The following STK32A variants were observed in gnomAD, a reference collection of about 807,000 sequenced individuals.
STK32A encodes the protein serine/threonine kinase 32A, also known as serine/threonine-protein kinase 32A.
Under a neutral mutation model 53.2 loss-of-function variants are expected in STK32A, and 41 were observed. The observed-to-expected ratio is 0.77, with a 90% CI of 0.60 to 1.00. The LOEUF is 1.00. Among genes scored for constraint, STK32A ranks in the 50% least tolerant of loss-of-function variants. The probability of loss-of-function intolerance (pLI) is 0.00; values close to 1 mark genes in which losing one functional copy is unlikely to be tolerated. For synonymous variants in STK32A, 166 were observed against 162.8 expected, an observed-to-expected ratio of 1.02 and a Z score of -0.15; for missense variants, 458 against 485.8, an observed-to-expected ratio of 0.94 and a Z score of 0.54.
At chr5:147,306,556 A>G (rs1028811079) in intron 4 of STK32A, among the ~76,000 whole-genome samples, 1 of 150,786 alleles carries the variant, frequency 6.6e-6, no homozygotes, top group Non-Finnish European at 1.5e-5. Flanking sequence ...AAAATGTATT[A>G]TATATAATAT....
At chr5:147,353,877 C>T (rs904052917) in intron 7 of STK32A, among the ~76,000 whole-genome samples, 4 of 152,058 alleles carry the variant, frequency 2.6e-5, no homozygotes, top group South Asian at 4.2e-4. Context: ...GGGATTAAGT[C>T]GGGTGGAATG....
At chr5:147,280,580 C>T (rs1440609966) in intron 4 of STK32A, among the ~76,000 whole-genome samples, 2 of 151,952 alleles carry the variant, frequency 1.3e-5, no homozygotes, top group African/African-American at 2.4e-5. Context: ...CCTAGGTACA[C>T]AACTCCAGTG....
At chr5:147,394,111 T>G in the STK32A span, 15 of 1,613,416 alleles carry the variant, frequency 9.3e-6, no homozygotes, top group Admixed American at 1.2e-4. Flanking sequence ...AACCCCCTCA[T>G]CCACTTGGGT....
intron 8 of STK32A, among the ~76,000 whole-genome samples, chr5:147,364,869 T>A (rs958075047): frequency 3.3e-5 from 5 of 152,204 alleles, no homozygotes; most frequent in African/African-American, 1.2e-4. Flanking sequence ...TTTGGGGGGA[T>A]ACATTCAGTC....
In STK32A at chr5:147,302,395, C is replaced by T. The variant is rs372614952; in HGVS notation, c.261-21503C>T. ...ATTCAAGGAATGGAAGTCAGAGTTC[C>T]GAAGTGTAGACATTGGGGATCATTT... On this transcript the variant is annotated intron_variant, in intron 4 of 12. Transcript: ENST00000397936. Among the ~76,000 whole-genome samples the T allele has an allele frequency of 1.6e-4, 25 of 152,168 alleles. No individual in the cohort carries two copies. The East Asian group carries it at 1.7e-3, about 11-fold the overall frequency.
At chr5:147,318,532 C>T (rs376021444) in intron 4 of STK32A, among the ~76,000 whole-genome samples, 11 of 150,698 alleles carry the variant, frequency 7.3e-5, no homozygotes, top group African/African-American at 1.5e-4. Context: ...TGAGAGGCTA[C>T]GGCAGGAGGA....
At chr5:147,314,668 A>G (rs558480430) in intron 4 of STK32A, among the ~76,000 whole-genome samples, 17 of 152,038 alleles carry the variant, frequency 1.1e-4, no homozygotes, top group African/African-American at 3.9e-4. Flanking sequence ...GATCCTGAGC[A>G]TTACTAAACA....
chr5:147,332,532 A>G (rs922127047), intron 5 of STK32A, among the ~76,000 whole-genome samples: 18 of 152,040 alleles, frequency 1.2e-4, no homozygotes, highest in Non-Finnish European at 2.2e-4. Flanking sequence ...GCTTTCTTTC[A>G]GTGTATTGAT....
chr5:147,384,211 A>G lies in STK32A; in HGVS notation c.*228A>G. 2 of 1,388,944 alleles carry G rather than the reference A, an allele frequency of 1.4e-6. No individual in the cohort carries two copies. The highest frequency in any genetic ancestry group is 5.3e-5 in the East Asian group (2 of 37,832). 86.0% of individuals were successfully genotyped at this position (1,388,944 alleles called of 1,614,324 possible). The stretch of plus-strand genomic sequence containing the variant: ...GTGATCTAGAGCAAGTCACTTAGCC[A>G]CTTTCTGTGCTTTACTTTATTTATC... On this transcript the variant is annotated 3_prime_UTR_variant, in exon 13 of 13. Transcript: ENST00000397936.
chr5:147,331,253 A>G (rs563961912), intron 5 of STK32A, among the ~76,000 whole-genome samples: 1 of 152,320 alleles, frequency 6.6e-6, no homozygotes, highest in African/African-American at 2.4e-5. Context: ...TTAATGACTT[A>G]ATAGGAGCTA....
the STK32A span, among the ~76,000 whole-genome samples, chr5:147,401,185 T>C: frequency 6.6e-6 from 1 of 152,220 alleles, no homozygotes; most frequent in Non-Finnish European, 1.5e-5. Flanking sequence ...AGGCAAATGA[T>C]TTAGCTTCTC....
intron 5 of STK32A, among the ~76,000 whole-genome samples, chr5:147,340,111 A>G (rs999895217): frequency 2.0e-5 from 3 of 152,182 alleles, no homozygotes; most frequent in Admixed American, 6.5e-5. Context: ...CTCATGTATT[A>G]TAATTAGTGT....
intron 6 of STK32A, 119 bp downstream of exon 6, chr5:147,343,162 C>G (rs1008688300): frequency 9.3e-7 from 1 of 1,074,362 alleles, no homozygotes; most frequent in Non-Finnish European, 1.4e-6. Flanking sequence ...TCGAGCTCTA[C>G]TTACAAACTC....
intron 3 of STK32A, 112 bp from the exon 4 acceptor site, chr5:147,279,135 T>A: frequency 1.0e-6 from 1 of 974,146 alleles, no homozygotes; most frequent in East Asian, 2.8e-5. Flanking sequence ...CATCATATAA[T>A]TTGCAAATGT....
At chr5:147,265,617 T>A (rs1035419541) in intron 2 of STK32A, among the ~76,000 whole-genome samples, 1 of 152,240 alleles carries the variant, frequency 6.6e-6, no homozygotes, top group Non-Finnish European at 1.5e-5. Context: ...CCTTCTCTGC[T>A]TGGGGAGGGT....
chr5:147,262,739 G>A lies in STK32A; in HGVS notation c.53-15385G>A, dbSNP rs1353017824. Among the ~76,000 whole-genome samples, 3 of 152,154 alleles carry A rather than the reference G, an allele frequency of 2.0e-5. No individual in the cohort carries two copies. In the East Asian group the frequency reaches 5.8e-4, roughly 29 times the overall value. ...TAAACCCACAAGGATGAAGAGACAGGCAGAAGAGCTTCACTATCAACGTTG... is the reference window on the plus strand; with the variant it reads ...TAAACCCACAAGGATGAAGAGACAGACAGAAGAGCTTCACTATCAACGTTG... On this transcript the variant is annotated intron_variant, in intron 2 of 12. Coordinates refer to ENST00000397936, the MANE Select transcript of STK32A (RefSeq NM_001112724.2).
At chr5:147,238,952 C>G (rs1375056087) in intron 1 of STK32A, among the ~76,000 whole-genome samples, 1 of 152,032 alleles carries the variant, frequency 6.6e-6, no homozygotes, top group African/African-American at 2.4e-5. Context: ...ATACATTTAA[C>G]TTAATATATA....
Position 147,264,383 on chromosome 5 carries a change from C to T in STK32A, c.53-13741C>T, listed in dbSNP as rs73794342. 5.4e-3 allele frequency among the ~76,000 whole-genome samples: 824 copies of T among 152,218 alleles called. 3 individuals carry two copies. Among genetic ancestry groups the T allele is most frequent in the African/African-American group, 0.018 (764 of 41,542 alleles). ...CATTTTCAGGAAGATGACAATGTGCCTGATGCACCTGAGCATTATGAAAGG... is the reference window on the plus strand; with the variant it reads ...CATTTTCAGGAAGATGACAATGTGCTTGATGCACCTGAGCATTATGAAAGG... On this transcript the variant is annotated intron_variant, in intron 2 of 12. Coordinates refer to ENST00000397936, the MANE Select transcript of STK32A (RefSeq NM_001112724.2).
intron 2 of STK32A, among the ~76,000 whole-genome samples, chr5:147,241,373 GGAGGCT>G (rs1279684637): frequency 6.6e-6 from 1 of 152,178 alleles, no homozygotes; most frequent in Admixed American, 6.5e-5. Flanking sequence ...CAGCTACTCG[GGAGGCT>G]GAGGCAGGAG....
Sources: allele counts gnomAD v4.1 joint callset (sites outside exome capture counted in the v4.1 genomes callset), GRCh38; gene constraint gnomAD v4.1.1; transcripts MANE v1.5; gene names NCBI Gene and HGNC (gene_info 2026-07-23, HGNC 2026-07-21).